SLC2A10: variants seen among roughly 807,000 people sequenced by gnomAD.
SLC2A10 encodes solute carrier family 2 member 10, also known as solute carrier family 2, facilitated glucose transporter member 10.
In SLC2A10, 25 loss-of-function variants were observed where a neutral mutation model predicts 32.1. The observed-to-expected ratio is 0.78, with a 90% CI of 0.57 to 1.09. The LOEUF is 1.09. SLC2A10 is among the 50% of genes least tolerant of loss of function. The probability of loss-of-function intolerance (pLI) is 0.00; values close to 1 mark genes in which losing one functional copy is unlikely to be tolerated. For synonymous variants in SLC2A10, 332 were observed against 309.6 expected (o/e 1.07, Z -0.76); for missense variants, 673 against 686.5 (o/e 0.98, Z 0.22).
chr20:46,732,238 C>T (rs1020449016), intron 4 of SLC2A10, among the ~76,000 whole-genome samples: 3 of 152,180 alleles, frequency 2.0e-5, no homozygotes, highest in Non-Finnish European at 2.9e-5. Flanking sequence ...ATTTTGCCTT[C>T]TTATCAGGTT....
At chr20:46,727,482 G>T (rs1036290243) in intron 3 of SLC2A10, among the ~76,000 whole-genome samples, 3 of 151,964 alleles carry the variant, frequency 2.0e-5, no homozygotes, top group Non-Finnish European at 4.4e-5. Flanking sequence ...CACCACGCCC[G>T]GCTAATTTTT....
At chr20:46,733,115 G>A (rs572063569) in intron 4 of SLC2A10, among the ~76,000 whole-genome samples, 1 of 152,222 alleles carries the variant, frequency 6.6e-6, no homozygotes, top group Non-Finnish European at 1.5e-5. Flanking sequence ...AGAAATACTG[G>A]GTAATTTATA....
chr20:46,715,514 G>A (rs1186169536), intron 1 of SLC2A10, among the ~76,000 whole-genome samples: 1 of 152,212 alleles, frequency 6.6e-6, no homozygotes, highest in Non-Finnish European at 1.5e-5. Flanking sequence ...CAGGATCTGA[G>A]CAGCATCTTC....
At chr20:46,729,953 A>G (rs550454431) in intron 4 of SLC2A10, among the ~76,000 whole-genome samples, 22 of 152,278 alleles carry the variant, frequency 1.4e-4, no homozygotes, top group African/African-American at 4.3e-4. Flanking sequence ...TTGTCCGGTC[A>G]CACACAAACT....
chr20:46,725,833 G>T lies in SLC2A10; in HGVS notation c.797G>T (p.Gly266Val), dbSNP rs369484751. 3.2e-5 allele frequency: 52 copies of T among 1,614,142 alleles called. No individual in the cohort carries two copies. Among genetic ancestry groups the T allele is most frequent in the Non-Finnish European group, 3.6e-5 (43 of 1,180,046 alleles). The change falls in exon 2 of 5, where the codon GGA (glycine) becomes GTA (valine). Residue 266 changes from glycine to valine, a missense_variant. Physicochemically the swap from Gly to Val is moderately radical, Grantham distance 109. Coordinates refer to ENST00000359271, the MANE Select transcript of SLC2A10 (RefSeq NM_030777.4). Reference protein sequence around the residue: ...TIFSSVGFHGGSSAVLASVGL... With the variant: ...TIFSSVGFHGVSSAVLASVGL... Reference sequence around the variant, plus strand: ...TTCAGCTCCGTTGGTTTCCATGGGGGATCCTCAGCCGTGCTGGCCTCTGTG... The same window carrying T: ...TTCAGCTCCGTTGGTTTCCATGGGGTATCCTCAGCCGTGCTGGCCTCTGTG...
intron 1 of SLC2A10, among the ~76,000 whole-genome samples, chr20:46,713,849 C>A (rs141826646): frequency 2.0e-4 from 31 of 152,288 alleles, no homozygotes; most frequent in African/African-American, 7.0e-4. Context: ...ACGAGTCAGT[C>A]TCTATCCCTG....
chr20:46,720,095 A>C (rs1979468408), intron 1 of SLC2A10, among the ~76,000 whole-genome samples: 1 of 152,214 alleles, frequency 6.6e-6, no homozygotes, highest in Non-Finnish European at 1.5e-5. Context: ...GAAAGCAAAC[A>C]AGGTGGGTAT....
At chr20:46,710,986 C>T (rs1440818240) in intron 1 of SLC2A10, among the ~76,000 whole-genome samples, 1 of 152,140 alleles carries the variant, frequency 6.6e-6, no homozygotes, top group Non-Finnish European at 1.5e-5. Flanking sequence ...AATTCTCCTG[C>T]CTCAGCCTCC....
rs781667255 is a variant in SLC2A10 at position 46,725,718 on chromosome 20, A to G, written c.682A>G (p.Met228Val). Residue 228 changes from methionine to valine, a missense_variant, in exon 2 of 5, where the codon ATG (methionine) becomes GTG (valine). By Grantham distance (21) the Met-to-Val change is conservative. Coordinates refer to ENST00000359271, the MANE Select transcript of SLC2A10 (RefSeq NM_030777.4). ...FLDLFRARDN[M>V]RGRTTVGLGL... ...GGACCTCTTCAGGGCACGCGATAACATGCGAGGCCGGACCACAGTGGGCCT... is the reference window on the plus strand; with the variant it reads ...GGACCTCTTCAGGGCACGCGATAACGTGCGAGGCCGGACCACAGTGGGCCT... The G allele has an allele frequency of 3.1e-6, 5 of 1,614,000 alleles. No homozygotes were observed. Among genetic ancestry groups the G allele is most frequent in the Middle Eastern group, 1.6e-4 (1 of 6,062 alleles).
At position 46,726,229 on chromosome 20, in the gene SLC2A10, C is replaced by A. The variant is rs777339989; in HGVS notation, c.1193C>A (p.Pro398His). 1 of 1,613,922 alleles carries A rather than the reference C, an allele frequency of 6.2e-7. No homozygotes were observed. Among genetic ancestry groups the A allele is most frequent in the South Asian group, 1.1e-5 (1 of 91,084 alleles). ...GCCCTGAGCTCTGCCCTCCCTGGGCCCCCTCTGCCCGCTCGGGGGCATGCA... is the reference window on the plus strand; with the variant it reads ...GCCCTGAGCTCTGCCCTCCCTGGGCACCCTCTGCCCGCTCGGGGGCATGCA... ...RLALSSALPG[P>H]PLPARGHALL... Residue 398 changes from proline (P) to histidine (H), a missense_variant, in exon 2 of 5, where the codon CCC (proline) becomes CAC (histidine). Coordinates refer to ENST00000359271, the MANE Select transcript of SLC2A10 (RefSeq NM_030777.4).
upstream of SLC2A10, among the ~76,000 whole-genome samples, chr20:46,708,728 G>A (rs1386334822): frequency 6.6e-6 from 1 of 152,148 alleles, no homozygotes; most frequent in Admixed American, 6.5e-5. Context: ...TGATGGGGTT[G>A]AAATCTACAT....
At chr20:46,724,544 G>A (rs1300571113) in intron 1 of SLC2A10, among the ~76,000 whole-genome samples, 1 of 152,046 alleles carries the variant, frequency 6.6e-6, no homozygotes, top group Non-Finnish European at 1.5e-5. Context: ...ATGGATGGAT[G>A]GGTGGTTGAA....
intron 1 of SLC2A10, chr20:46,714,551 T>C (rs1979115063): frequency 6.6e-6 from 1 of 152,662 alleles, no homozygotes; most frequent in Non-Finnish European, 1.5e-5. Context: ...GGGGACCCTT[T>C]CCTTGGGGAA....
chr20:46,721,546 A>G (rs188539180), intron 1 of SLC2A10, among the ~76,000 whole-genome samples: 1 of 152,256 alleles, frequency 6.6e-6, no homozygotes, highest in East Asian at 1.9e-4. Context: ...ATTTACAGAA[A>G]CCAACTCAAT....
rs1980484287 is a variant in SLC2A10, at chr20:46,734,685, C to T, written c.*851C>T. 6.6e-6 allele frequency: 1 copy of T among 152,272 alleles called. No homozygotes were observed. Among genetic ancestry groups the T allele is most frequent in the South Asian group, 2.1e-4 (1 of 4,832 alleles). 9.4% of individuals were successfully genotyped at this position (152,272 alleles called of 1,614,324 possible). On this transcript the variant is annotated 3_prime_UTR_variant, in exon 5 of 5. Transcript: ENST00000359271. ...AGTCCTTGGTCTGCTGGTGTCATTG[C>T]TGTAGGAATGACCACGGGCCTCAGT...
chr20:46,717,227 G>T (rs1979298950), intron 1 of SLC2A10, among the ~76,000 whole-genome samples: 2 of 151,556 alleles, frequency 1.3e-5, no homozygotes, highest in Admixed American at 1.3e-4. Context: ...GGGAAAAAAT[G>T]GAAAAAAAAC....
intron 1 of SLC2A10, among the ~76,000 whole-genome samples, chr20:46,710,666 A>C (rs1978856086): frequency 6.6e-6 from 1 of 152,200 alleles, no homozygotes; most frequent in Admixed American, 6.5e-5. Flanking sequence ...TGGCAGCAAC[A>C]GTGCAAAGGC....
chr20:46,733,786 C>A lies in SLC2A10; in HGVS notation c.1578C>A (p.Asn526Lys). 6.2e-7 allele frequency: 1 copy of A among 1,614,210 alleles called. No individual in the cohort carries two copies. Among genetic ancestry groups the A allele is most frequent in the Non-Finnish European group, 8.5e-7 (1 of 1,180,034 alleles). Residue 526 changes from asparagine (N) to lysine (K), a missense_variant, in exon 5 of 5, where the codon AAC (asparagine) becomes AAA (lysine). Coordinates refer to ENST00000359271, the MANE Select transcript of SLC2A10 (RefSeq NM_030777.4). ...RFTLSFGHRQ[N>K]STGIPYSRIE... ...CCCTGAGCTTTGGCCACAGGCAGAA[C>A]TCCACTGGCATCCCGTACAGCCGCA...
intron 2 of SLC2A10, 95 bp downstream of exon 2, chr20:46,726,419 C>T (rs1979966832): frequency 1.3e-6 from 2 of 1,524,530 alleles, no homozygotes; most frequent in South Asian, 1.2e-5. Context: ...GGCAGGGTGT[C>T]AGTGGGGCAC....
Sources: gnomAD v4.1 joint callset for allele counts (sites outside exome capture counted in the v4.1 genomes callset) on GRCh38, gnomAD v4.1.1 for gene constraint, MANE v1.5 for transcripts, NCBI Gene and HGNC (gene_info 2026-07-23, HGNC 2026-07-21) for gene names.